The following LINGO2 variants were observed in gnomAD, a reference collection of about 807,000 sequenced individuals.
The protein encoded by LINGO2 is leucine rich repeat and Ig domain containing 2.
A neutral mutation model predicts 30.6 loss-of-function variants in LINGO2; 14 were observed. The observed-to-expected ratio is 0.46, with a 90% CI of 0.30 to 0.72. The LOEUF (loss-of-function observed/expected upper bound fraction) is 0.72. Among genes scored for constraint, LINGO2 ranks in the 30% least tolerant of loss-of-function variants. LINGO2 has a pLI of 0.07. For missense variants in LINGO2, 729 were observed against 751.7 expected (o/e 0.97, Z 0.35); for synonymous variants, 317 against 288.5 (o/e 1.10, Z -1.00).
intron 4 of LINGO2, among the ~76,000 whole-genome samples, chr9:28,082,338 C>T: frequency 6.6e-6 from 1 of 152,078 alleles, no homozygotes; most frequent in South Asian, 2.1e-4. Context: ...TGTGCCTAAA[C>T]TCAGTACAAA....
chr9:28,354,173 G>T (rs553261417), intron 3 of LINGO2, among the ~76,000 whole-genome samples: 2 of 151,948 alleles, frequency 1.3e-5, no homozygotes, highest in Non-Finnish European at 2.9e-5. Context: ...TGCTGTTCAC[G>T]TCATATGAGT....
At chr9:28,442,060 T>C (rs946845312) in intron 2 of LINGO2, among the ~76,000 whole-genome samples, 4 of 152,112 alleles carry the variant, frequency 2.6e-5, no homozygotes, top group African/African-American at 9.7e-5. Context: ...CTATTTGATT[T>C]GTTTGAATTT....
the LINGO2 span, among the ~76,000 whole-genome samples, chr9:29,169,571 C>T: frequency 2.0e-5 from 3 of 151,896 alleles, no homozygotes; most frequent in Non-Finnish European, 2.9e-5. Context: ...AAATTAAAAC[C>T]ACAGTAAGAT....
At position 28,343,266 on chromosome 9, in the gene LINGO2, T is replaced by C. The variant is rs117269499; in HGVS notation, c.-246+29570A>G. ...AAACCTACACTTTGCTTATAGTTTA[T>C]GACATAAATTGCCAATAGCAGCAAA... On this transcript the variant is annotated intron_variant, in intron 3 of 5. Transcript: ENST00000379992. Among the ~76,000 whole-genome samples the C allele has an allele frequency of 8.9e-4, 136 of 152,274 alleles. 1 individual carries two copies. The East Asian group carries it at 0.024, about 27-fold the overall frequency.
chr9:28,846,899 C>G, the LINGO2 span, among the ~76,000 whole-genome samples: 8 of 145,722 alleles, frequency 5.5e-5, no homozygotes, highest in South Asian at 1.8e-3. Context: ...TTCTGCTCCT[C>G]CTACAGTCCA....
chr9:27,949,982 T>C (rs1238026133), exon 6 of LINGO2: 2 of 1,614,052 alleles, frequency 1.2e-6, no homozygotes, highest in Non-Finnish European at 1.7e-6. Flanking sequence ...AGTCAATCTC[T>C]AGGTGTTTCA....
At chr9:28,368,790 G>T (rs1449575888) in intron 3 of LINGO2, among the ~76,000 whole-genome samples, 14 of 123,552 alleles carry the variant, frequency 1.1e-4, no homozygotes, top group African/African-American at 4.4e-4. Flanking sequence ...TGGAGACGGG[G>T]TTTCACCGTG....
At chr9:28,308,916 A>T (rs1473673301) in intron 3 of LINGO2, among the ~76,000 whole-genome samples, 3 of 152,210 alleles carry the variant, frequency 2.0e-5, no homozygotes, top group Admixed American at 2.0e-4. Context: ...GGCATTCATT[A>T]AAAAGTCAGG....
At chr9:28,025,856 G>A (rs1823350914) in intron 4 of LINGO2, among the ~76,000 whole-genome samples, 1 of 152,108 alleles carries the variant, frequency 6.6e-6, no homozygotes, top group Non-Finnish European at 1.5e-5. Flanking sequence ...GTAGATTACA[G>A]GGGGTTAAAT....
At chr9:28,310,621 T>C (rs1189460395) in intron 3 of LINGO2, among the ~76,000 whole-genome samples, 1 of 152,134 alleles carries the variant, frequency 6.6e-6, no homozygotes, top group African/African-American at 2.4e-5. Context: ...CTTGTGAGGG[T>C]GATGGATACG....
At chr9:28,589,236 A>G (rs1161624387) in intron 1 of LINGO2, among the ~76,000 whole-genome samples, 4 of 152,070 alleles carry the variant, frequency 2.6e-5, no homozygotes, top group Admixed American at 2.0e-4. Flanking sequence ...TTTGAAAACC[A>G]GCACAAGACG....
chr9:28,415,362 T>A (rs1822925430), intron 2 of LINGO2, among the ~76,000 whole-genome samples: 1 of 152,150 alleles, frequency 6.6e-6, no homozygotes, highest in South Asian at 2.1e-4. Context: ...ACAGGCAGGA[T>A]AATATATTTT....
At chr9:29,101,582 TG>T in the LINGO2 span, among the ~76,000 whole-genome samples, 1 of 152,154 alleles carries the variant, frequency 6.6e-6, no homozygotes, top group Non-Finnish European at 1.5e-5. Flanking sequence ...TTCTCAGCCT[TG>T]GGTAACCATC....
chr9:29,043,020 C>T, the LINGO2 span, among the ~76,000 whole-genome samples: 1 of 151,670 alleles, frequency 6.6e-6, no homozygotes, highest in Non-Finnish European at 1.5e-5. Flanking sequence ...TACAGAGAGG[C>T]CACATGGATC....
At chr9:28,991,087 A>T in the LINGO2 span, among the ~76,000 whole-genome samples, 1 of 152,300 alleles carries the variant, frequency 6.6e-6, no homozygotes, top group East Asian at 1.9e-4. Context: ...AGGAAATTCA[A>T]ACCAAAGGCA....
At position 28,042,070 on chromosome 9, in the gene LINGO2, C is replaced by T. The variant is rs989403096; in HGVS notation, c.-86-29665G>A. Among the ~76,000 whole-genome samples, 29 of 152,246 alleles carry T rather than the reference C, an allele frequency of 1.9e-4. 1 individual carries two copies. Among genetic ancestry groups the T allele is most frequent in the Middle Eastern group, 3.4e-3 (1 of 294 alleles). Reference sequence around the variant, plus strand: ...TGTAAAATGGGGAGAATAAAATTTACCTACATACATACTTCTAAGGATTTA... The same window carrying T: ...TGTAAAATGGGGAGAATAAAATTTATCTACATACATACTTCTAAGGATTTA... On this transcript the variant is annotated intron_variant, in intron 4 of 5. Transcript: ENST00000379992.
chr9:28,779,142 T>A, the LINGO2 span, among the ~76,000 whole-genome samples: 1 of 152,234 alleles, frequency 6.6e-6, no homozygotes, highest in South Asian at 2.1e-4. Context: ...AATAAATGCA[T>A]GCAAAAGAAT....
At chr9:28,243,431 G>C (rs1197071418) in intron 4 of LINGO2, among the ~76,000 whole-genome samples, 2 of 148,780 alleles carry the variant, frequency 1.3e-5, no homozygotes, top group East Asian at 4.0e-4. Flanking sequence ...CTGCCTTCCA[G>C]CCTGTGCGAC....
the LINGO2 span, among the ~76,000 whole-genome samples, chr9:28,731,481 C>T: frequency 9.9e-5 from 15 of 152,138 alleles, no homozygotes; most frequent in African/African-American, 3.1e-4. Context: ...ATAATACTTT[C>T]GAAATAATAA....
Sources: gnomAD v4.1 joint callset for allele counts (sites outside exome capture counted in the v4.1 genomes callset) on GRCh38, gnomAD v4.1.1 for gene constraint, MANE v1.5 for transcripts, NCBI Gene and HGNC (gene_info 2026-07-23, HGNC 2026-07-21) for gene names.